The following ERI1 variants were observed in gnomAD, a reference collection of about 807,000 sequenced individuals.
ERI1 encodes exoribonuclease 1, also known as 3'-5' exoribonuclease 1.
ERI1 carries 39 observed loss-of-function variants against 39.7 expected under a neutral mutation model. That is an observed-to-expected ratio of 0.98 (90% confidence interval 0.76 to 1.28). The LOEUF is 1.28. Among genes scored for constraint, ERI1 ranks in the 50% most tolerant of loss-of-function variants. The probability of loss-of-function intolerance (pLI) is 0.00; values close to 1 mark genes in which losing one functional copy is unlikely to be tolerated. For missense variants in ERI1, 581 were observed against 416.9 expected, an observed-to-expected ratio of 1.39 and a Z score of -3.43; for synonymous variants, 204 against 149.6, an observed-to-expected ratio of 1.36 and a Z score of -2.65.
intron 6 of ERI1, among the ~76,000 whole-genome samples, chr8:9,023,297 G>A (rs890085537): frequency 3.3e-5 from 5 of 152,026 alleles, no homozygotes; most frequent in African/African-American, 9.7e-5. Flanking sequence ...TTTCAGAGGT[G>A]TCTCTGTCTT....
intron 6 of ERI1, among the ~76,000 whole-genome samples, chr8:9,026,350 A>T (rs1048037698): frequency 1.1e-4 from 16 of 151,902 alleles, no homozygotes; most frequent in African/African-American, 3.6e-4. Flanking sequence ...ATTCTCCAGA[A>T]CTCTCATATT....
At position 9,018,761 on chromosome 8, in the gene ERI1, T is replaced by TGCCATTAATCCTCTTTAGTCA. The variant is rs553857734; in HGVS notation, c.692+357_692+377dup. Among the ~76,000 whole-genome samples the TGCCATTAATCCTCTTTAGTCA allele has an allele frequency of 2.9e-3, 439 of 152,344 alleles. 2 individuals are homozygous for TGCCATTAATCCTCTTTAGTCA. The highest frequency in any genetic ancestry group is 0.01 in the African/African-American group (417 of 41,574). The stretch of plus-strand genomic sequence containing the variant: ...CGCTACCTGTTTAATCTAATTCACC[T>TGCCATTAATCCTCTTTAGTCA]GCCATTAATCCTCTTTAGTCAGACT... On this transcript the variant is annotated intron_variant, in intron 5 of 6. Coordinates refer to ENST00000250263, the MANE Select transcript of ERI1 (RefSeq NM_153332.4).
chr8:9,097,983 A>T (rs1799931819), intron 3 of ERI1, among the ~76,000 whole-genome samples: 1 of 152,236 alleles, frequency 6.6e-6, no homozygotes, highest in Admixed American at 6.5e-5. Flanking sequence ...ACCTGAGTGG[A>T]ATTGGAGACC....
chr8:9,086,614 A>G (rs924964004), intron 3 of ERI1, among the ~76,000 whole-genome samples: 1 of 152,224 alleles, frequency 6.6e-6, no homozygotes, highest in Non-Finnish European at 1.5e-5. Context: ...AATGCATTGT[A>G]ACAAAATAAG....
At chr8:9,023,254 A>C (rs574843434) in intron 6 of ERI1, among the ~76,000 whole-genome samples, 1 of 151,774 alleles carries the variant, frequency 6.6e-6, no homozygotes, top group South Asian at 2.1e-4. Context: ...GTTTCCCCTT[A>C]TCTGGATTTT....
chr8:9,031,941 A>T lies in ERI1; in HGVS notation c.*1907A>T, dbSNP rs913207602. ...CCCGCCTAATTTTTGTATTTTTGGT[A>T]GAGGCGGGGTTTCACCATGTTGGTC... On this transcript the variant is annotated 3_prime_UTR_variant, in exon 7 of 7. Transcript: ENST00000250263. 2 of 152,268 alleles carry T rather than the reference A, an allele frequency of 1.3e-5. No individual in the cohort carries two copies. Among genetic ancestry groups the T allele is most frequent in the African/African-American group, 2.4e-5 (1 of 41,440 alleles). 9.4% of individuals were successfully genotyped at this position (152,268 alleles called of 1,614,324 possible).
intron 2 of ERI1, among the ~76,000 whole-genome samples, chr8:9,009,671 C>T (rs1392292687): frequency 2.0e-5 from 3 of 152,062 alleles, no homozygotes; most frequent in African/African-American, 7.2e-5. Context: ...TCCTGAGTAG[C>T]TCGGATTACA....
chr8:9,034,481 C>T (rs73662282), downstream of ERI1, among the ~76,000 whole-genome samples: 1 of 152,094 alleles, frequency 6.6e-6, no homozygotes, highest in Admixed American at 6.5e-5. Context: ...CCCTATATTT[C>T]AAACTTTTTG....
chr8:9,038,726 G>A (rs932843388), intron 3 of ERI1, among the ~76,000 whole-genome samples: 2 of 152,182 alleles, frequency 1.3e-5, no homozygotes, highest in Non-Finnish European at 1.5e-5. Context: ...TATTGTGACC[G>A]TAAGGATGTG....
At chr8:9,066,970 C>T (rs916848189) in intron 3 of ERI1, among the ~76,000 whole-genome samples, 8 of 152,110 alleles carry the variant, frequency 5.3e-5, no homozygotes, top group South Asian at 2.1e-4. Context: ...TGGGAATAAA[C>T]GCCCATGAAC....
At chr8:9,016,289 A>C in intron 3 of ERI1, 33 bp from the exon 4 acceptor site, 4 of 1,406,468 alleles carry the variant, frequency 2.8e-6, no homozygotes, top group Non-Finnish European at 4.0e-6. Flanking sequence ...TAACTCATAT[A>C]AATTACTTTA....
At chr8:9,076,109 G>C (rs1563090801) in intron 3 of ERI1, among the ~76,000 whole-genome samples, 1 of 152,038 alleles carries the variant, frequency 6.6e-6, no homozygotes, top group African/African-American at 2.4e-5. Context: ...GCTAATTTTT[G>C]CTGCTGTTGT....
At chr8:9,012,215 T>C (rs1188329262) in intron 3 of ERI1, among the ~76,000 whole-genome samples, 1 of 152,198 alleles carries the variant, frequency 6.6e-6, no homozygotes, top group Non-Finnish European at 1.5e-5. Context: ...GAATGATAAT[T>C]TACAAAAATG....
Position 9,090,998 on chromosome 8 carries a change from A to T in ERI1, n.300-25350A>T, listed in dbSNP as rs79420142. Among the ~76,000 whole-genome samples, 8 of 152,346 alleles carry T rather than the reference A, an allele frequency of 5.3e-5. No homozygotes were observed. In the East Asian group the frequency reaches 1.3e-3, roughly 26 times the overall value. ...CTAGAAAATTGCATTTAAGTTCAGAATTCAGCAAGGGACACCAATGATCTT... is the reference window on the plus strand; with the variant it reads ...CTAGAAAATTGCATTTAAGTTCAGATTTCAGCAAGGGACACCAATGATCTT... On this transcript the variant is annotated intron_variant and non_coding_transcript_variant, in intron 3 of 3. Coordinates refer to the ERI1 transcript ENST00000518663.
intron 3 of ERI1, among the ~76,000 whole-genome samples, chr8:9,039,874 C>T (rs1415653356): frequency 2.0e-5 from 3 of 152,084 alleles, no homozygotes; most frequent in East Asian, 3.9e-4. Context: ...AAATATTTCA[C>T]AAAATGATTG....
Position 9,029,905 on chromosome 8 carries a change from T to G in ERI1, c.921T>G (p.Val307=). Residue 307 remains valine (V), a synonymous_variant, in exon 7 of 7, where the codon GTT becomes GTG. Transcript: ENST00000250263. The part of the protein sequence containing the change: ...DDSKNIARIA[V]RMLQDGCELR... The stretch of plus-strand genomic sequence containing the variant: ...CTAAGAATATCGCCCGAATAGCAGT[T>G]CGAATGCTTCAGGATGGGTGTGAAC... The G allele has an allele frequency of 6.2e-7, 1 of 1,614,166 alleles. No homozygotes were observed. Among genetic ancestry groups the G allele is most frequent in the East Asian group, 2.2e-5 (1 of 44,874 alleles).
At chr8:9,013,172 G>A (rs142637487) in intron 3 of ERI1, among the ~76,000 whole-genome samples, 1 of 151,592 alleles carries the variant, frequency 6.6e-6, no homozygotes, top group African/African-American at 2.4e-5. Flanking sequence ...GTGTCACCAC[G>A]CCCGGCTAAT....
rs1797588585 is a variant in ERI1, at chr8:9,031,517, AT to A, written c.*1484del. On this transcript the variant is annotated 3_prime_UTR_variant, in exon 7 of 7. Transcript: ENST00000250263. Reference sequence around the variant, plus strand: ...TTAACTCTTAGGATAAGAGGGATGTATGCTGAGATGTTTGTGCATCCCAGAT... The same window carrying A: ...TTAACTCTTAGGATAAGAGGGATGTAGCTGAGATGTTTGTGCATCCCAGAT... 6.6e-6 allele frequency: 1 copy of A among 152,240 alleles called. No homozygotes were observed. The highest frequency in any genetic ancestry group is 1.5e-5 in the Non-Finnish European group (1 of 68,042). 9.4% of individuals were successfully genotyped at this position (152,240 alleles called of 1,614,324 possible). A position where few individuals can be genotyped will look rare whatever the true frequency, so the allele number is the denominator to read the frequency against.
At chr8:9,079,334 C>T (rs1409571880) in intron 3 of ERI1, among the ~76,000 whole-genome samples, 2 of 152,078 alleles carry the variant, frequency 1.3e-5, no homozygotes, top group African/African-American at 2.4e-5. Context: ...CATTTGATTC[C>T]GGAAAACACT....
Sources: gnomAD v4.1 joint callset for allele counts (sites outside exome capture counted in the v4.1 genomes callset) on GRCh38, gnomAD v4.1.1 for gene constraint, MANE v1.5 for transcripts, NCBI Gene and HGNC (gene_info 2026-07-23, HGNC 2026-07-21) for gene names.